Variants in DYM observed in about 807,000 individuals in gnomAD.
DYM encodes the protein dymeclin, also known as dyggve-Melchior-Clausen syndrome protein.
Under a neutral mutation model 93.1 loss-of-function variants are expected in DYM, and 78 were observed. That is an observed-to-expected ratio of 0.84 (90% confidence interval 0.70 to 1.01). The LOEUF (loss-of-function observed/expected upper bound fraction) is 1.01. Ranked by LOEUF, DYM falls within the 50% of genes least tolerant of loss-of-function variation. The pLI, the probability that DYM is intolerant of heterozygous loss-of-function variation, is 0.00. For missense variants in DYM, 789 were observed against 845.0 expected (o/e 0.93, Z 0.82); for synonymous variants, 321 against 319.7 (o/e 1.00, Z -0.04).
At chr18:49,373,729 A>G (rs2067245414) in intron 5 of DYM, among the ~76,000 whole-genome samples, 1 of 152,218 alleles carries the variant, frequency 6.6e-6, no homozygotes. Context: ...ATCACGTTAA[A>G]TAAAGTAAAA....
At chr18:49,194,070 A>C (rs2091220347) in intron 14 of DYM, among the ~76,000 whole-genome samples, 1 of 152,184 alleles carries the variant, frequency 6.6e-6, no homozygotes, top group Non-Finnish European at 1.5e-5. Context: ...GGGTGGAATC[A>C]CTTTTCTCCA....
At chr18:49,280,346 T>C (rs1474733237) in intron 10 of DYM, among the ~76,000 whole-genome samples, 1 of 152,122 alleles carries the variant, frequency 6.6e-6, no homozygotes, top group African/African-American at 2.4e-5. Flanking sequence ...GGGAGTGAGT[T>C]CAGACAGTCC....
intron 15 of DYM, among the ~76,000 whole-genome samples, chr18:49,163,185 C>T (rs1430143214): frequency 2.6e-5 from 4 of 152,090 alleles, no homozygotes; most frequent in African/African-American, 9.7e-5. Flanking sequence ...TTTTCTTCAA[C>T]CACTTGTTAA....
At chr18:49,352,102 A>G (rs964176030) in intron 6 of DYM, among the ~76,000 whole-genome samples, 1 of 152,254 alleles carries the variant, frequency 6.6e-6, no homozygotes, top group Non-Finnish European at 1.5e-5. Context: ...CATACTAAGT[A>G]AAACAATGCA....
intron 15 of DYM, among the ~76,000 whole-genome samples, chr18:49,151,430 G>A (rs2085803813): frequency 1.3e-5 from 2 of 151,990 alleles, no homozygotes; most frequent in South Asian, 2.1e-4. Context: ...TGGTTTTGGG[G>A]GTCTTATTTA....
chr18:49,434,160 A>G (rs548635510), intron 1 of DYM, among the ~76,000 whole-genome samples: 1 of 152,142 alleles, frequency 6.6e-6, no homozygotes, highest in Admixed American at 6.6e-5. Flanking sequence ...CCTGGCCAAC[A>G]TGGTGAAACC....
chr18:49,393,031 A>T (rs1199091805), intron 2 of DYM, among the ~76,000 whole-genome samples: 1 of 91,862 alleles, frequency 1.1e-5, no homozygotes, highest in Non-Finnish European at 2.2e-5. Flanking sequence ...AGGAAGAAGG[A>T]GGAGGAGGAG....
chr18:49,339,331 C>T (rs1047789551), intron 6 of DYM, among the ~76,000 whole-genome samples: 2 of 152,228 alleles, frequency 1.3e-5, no homozygotes, highest in Non-Finnish European at 2.9e-5. Context: ...CCAATCATGC[C>T]TGCTTCCTGC....
intron 2 of DYM, among the ~76,000 whole-genome samples, chr18:49,395,812 C>T (rs1244424635): frequency 6.6e-6 from 1 of 152,138 alleles, no homozygotes; most frequent in Non-Finnish European, 1.5e-5. Flanking sequence ...GGGAAACTCT[C>T]ATACAATGTT....
intron 14 of DYM, among the ~76,000 whole-genome samples, chr18:49,174,866 T>C (rs2089205645): frequency 6.6e-6 from 1 of 152,018 alleles, no homozygotes; most frequent in Non-Finnish European, 1.5e-5. Context: ...GGGAAAAGGC[T>C]GAAGAAGAAA....
chr18:49,117,821 C>T (rs537199889), intron 16 of DYM, among the ~76,000 whole-genome samples: 8 of 152,106 alleles, frequency 5.3e-5, no homozygotes, highest in African/African-American at 1.7e-4. Flanking sequence ...CCTTTGTCTT[C>T]GTCTTTCTTT....
At chr18:49,265,788 A>G (rs2145371899) in intron 11 of DYM, among the ~76,000 whole-genome samples, 1 of 151,948 alleles carries the variant, frequency 6.6e-6, no homozygotes, top group South Asian at 2.1e-4. Context: ...CAAAAAAAAA[A>G]AAAAAAAGAA....
intron 13 of DYM, among the ~76,000 whole-genome samples, chr18:49,242,127 C>A (rs1261453392): frequency 6.6e-6 from 1 of 152,126 alleles, no homozygotes; most frequent in African/African-American, 2.4e-5. Flanking sequence ...TTAAAGTAAT[C>A]TGGGCTGGGT....
At chr18:49,432,174 A>C (rs2080380642) in intron 1 of DYM, among the ~76,000 whole-genome samples, 1 of 152,066 alleles carries the variant, frequency 6.6e-6, no homozygotes, top group Admixed American at 6.6e-5. Context: ...TCTACTCAAA[A>C]TACAAAATTA....
At chr18:49,386,906 G>GT (rs1429767144) in intron 3 of DYM, among the ~76,000 whole-genome samples, 2 of 150,288 alleles carry the variant, frequency 1.3e-5, no homozygotes, top group Non-Finnish European at 3.0e-5. Context: ...TCTGCATCAC[G>GT]TTTTGGTAGT....
Position 49,430,260 on chromosome 18 carries a change from A to G in DYM, c.135T>C (p.Thr45=), listed in dbSNP as rs1463473433. ...ATCTCCAGGCAATCTCTTACCTGCTAGTTGGTGCAGGGAAAGAAAATGAGA... is the reference window on the plus strand; with the variant it reads ...ATCTCCAGGCAATCTCTTACCTGCTGGTTGGTGCAGGGAAAGAAAATGAGA... ...QLLSFSFPAP[T]SSSELKLLEE... is the part of the protein sequence containing the mutation. Residue 45 remains threonine, a synonymous_variant, in exon 2 of 18, where the codon ACT becomes ACC. Transcript: ENST00000675505. 1 of 1,613,798 alleles carries G rather than the reference A, an allele frequency of 6.2e-7. No homozygotes were observed. Among genetic ancestry groups the G allele is most frequent in the Admixed American group, 1.7e-5 (1 of 60,014 alleles).
At chr18:49,129,341 C>A (rs2083159554) in intron 15 of DYM, among the ~76,000 whole-genome samples, 1 of 152,098 alleles carries the variant, frequency 6.6e-6, no homozygotes, top group South Asian at 2.1e-4. Context: ...AAAGAACGAC[C>A]CTCCTTAGTG....
intron 13 of DYM, among the ~76,000 whole-genome samples, chr18:49,220,055 G>T (rs1391444467): frequency 6.6e-6 from 1 of 152,102 alleles, no homozygotes; most frequent in Non-Finnish European, 1.5e-5. Flanking sequence ...CTTCAGCAAA[G>T]TCCCAGGATA....
chr18:49,413,087 T>C (rs1362573539), intron 2 of DYM: 1 of 152,204 alleles, frequency 6.6e-6, no homozygotes, highest in Admixed American at 6.5e-5. Context: ...TCTCAAAGAT[T>C]ACCATACGAT....
Sources: gnomAD v4.1 joint callset for allele counts (sites outside exome capture counted in the v4.1 genomes callset) on GRCh38, gnomAD v4.1.1 for gene constraint, MANE v1.5 for transcripts, NCBI Gene and HGNC (gene_info 2026-07-23, HGNC 2026-07-21) for gene names.